CACNG8: variants seen among roughly 807,000 people sequenced by gnomAD.
CACNG8 encodes the protein calcium voltage-gated channel auxiliary subunit gamma 8.
Under a neutral mutation model 26.9 loss-of-function variants are expected in CACNG8, and 5 were observed. The ratio of observed to expected loss-of-function variants is 0.19; its 90% CI spans 0.10 to 0.39. The LOEUF (loss-of-function observed/expected upper bound fraction) is 0.39, where lower values mean the gene tolerates loss of function less well. Among genes scored for constraint, CACNG8 ranks in the 10% least tolerant of loss-of-function variants. The pLI is 1.00. For synonymous variants in CACNG8, 321 were observed against 296.7 expected (o/e 1.08, Z -0.84); for missense variants, 473 against 609.4 (o/e 0.78, Z 2.36).
chr19:53,979,715 G>GCAA lies in CACNG8; in HGVS notation c.368-149_368-147dup, dbSNP rs1371165818. On this transcript the variant is annotated intron_variant, in intron 2 of 3. Coordinates refer to ENST00000270458, the MANE Select transcript of CACNG8 (RefSeq NM_031895.6). ...TTTTAAAAACAGGAGAGAGAATGAG[G>GCAA]CAACAGTAAAATAAACCAGAACACA... The GCAA allele has an allele frequency of 9.1e-6, 6 of 658,100 alleles. No homozygotes were observed. In the African/African-American group the frequency reaches 9.5e-5, roughly 10 times the overall value. The allele number at this position is 658,100 out of a possible 1,614,324, so 40.8% of individuals were successfully genotyped here.
chr19:53,966,148 C>A (rs367568435), intron 1 of CACNG8, among the ~76,000 whole-genome samples: 14 of 152,000 alleles, frequency 9.2e-5, no homozygotes, highest in African/African-American at 3.4e-4. Flanking sequence ...AGTGCAGTGG[C>A]GTGATCTTGG....
chr19:53,963,220 G>T lies in CACNG8; in HGVS notation c.78G>T (p.Val26=), dbSNP rs1184397700. 1 of 1,608,078 alleles carries T rather than the reference G, an allele frequency of 6.2e-7. No individual in the cohort carries two copies. Among genetic ancestry groups the T allele is most frequent in the South Asian group, 1.1e-5 (1 of 90,540 alleles). Residue 26 remains valine (V), a synonymous_variant, in exon 1 of 4, where the codon GTG becomes GTT. Coordinates refer to ENST00000270458, the MANE Select transcript of CACNG8 (RefSeq NM_031895.6). ...GGGTGCAGGTGCTGCTGACGACGGTGGGCGCCTTCGCCGCCTTCGGCCTCA... is the reference window on the plus strand; with the variant it reads ...GGGTGCAGGTGCTGCTGACGACGGTTGGCGCCTTCGCCGCCTTCGGCCTCA...
At chr19:53,978,354 T>C in intron 2 of CACNG8, 125 bp downstream of exon 2, 1 of 675,850 alleles carries the variant, frequency 1.5e-6, no homozygotes. Context: ...GAGGTTAGCC[T>C]CCCAGCCAAT....
chr19:53,975,402 C>CT (rs1225646387), intron 1 of CACNG8, among the ~76,000 whole-genome samples: 12 of 149,614 alleles, frequency 8.0e-5, no homozygotes, highest in Admixed American at 8.0e-4. Flanking sequence ...TTTTTTGAGA[C>CT]TGAGTCTCGC....
At chr19:53,973,071 G>C (rs904442333) in intron 1 of CACNG8, among the ~76,000 whole-genome samples, 6 of 152,194 alleles carry the variant, frequency 3.9e-5, no homozygotes, top group African/African-American at 1.4e-4. Context: ...AATGCTTGGA[G>C]CAGTACCTGG....
rs200026820 is a variant in CACNG8, at chr19:53,963,199, G to T, written c.57G>T (p.Val19=). ...GGGGCCTCTGGTGCGAGAAGGGGGT[G>T]CAGGTGCTGCTGACGACGGTGGGCG... is the stretch of plus-strand genomic sequence containing the variant. The change falls in exon 1 of 4, where the codon GTG becomes GTT. Residue 19 remains valine (V), a synonymous_variant. Coordinates refer to ENST00000270458, the MANE Select transcript of CACNG8 (RefSeq NM_031895.6). 1.1e-5 allele frequency: 17 copies of T among 1,599,678 alleles called. No individual in the cohort carries two copies. The highest frequency in any genetic ancestry group is 1.7e-5 in the Admixed American group (1 of 58,644).
In CACNG8 at chr19:53,988,158, T is replaced by C. The variant is rs1039822765; in HGVS notation, c.*5309T>C. 2 of 151,998 alleles carry C rather than the reference T, an allele frequency of 1.3e-5. No individual in the cohort carries two copies. Among genetic ancestry groups the C allele is most frequent in the African/African-American group, 2.4e-5 (1 of 41,198 alleles). The allele number at this position is 151,998 out of a possible 1,614,324, so 9.4% of individuals were successfully genotyped here. A position where few individuals can be genotyped will look rare whatever the true frequency, so the allele number is the denominator to read the frequency against. Reference sequence around the variant, plus strand: ...GGTCTGATGACATGGACAGGGTTGGTGATCTTGATAAGATAAGATGTCAGT... The same window carrying C: ...GGTCTGATGACATGGACAGGGTTGGCGATCTTGATAAGATAAGATGTCAGT... On this transcript the variant is annotated 3_prime_UTR_variant, in exon 4 of 4. Transcript: ENST00000270458.
At chr19:53,965,575 T>C (rs1342815966) in intron 1 of CACNG8, among the ~76,000 whole-genome samples, 2 of 151,880 alleles carry the variant, frequency 1.3e-5, no homozygotes, top group African/African-American at 4.8e-5. Flanking sequence ...CATTCATTCG[T>C]TCATTCAACG....
intron 1 of CACNG8, among the ~76,000 whole-genome samples, chr19:53,965,473 T>C (rs2069267192): frequency 6.6e-6 from 1 of 151,988 alleles, no homozygotes; most frequent in Admixed American, 6.6e-5. Flanking sequence ...TTCACTGGTC[T>C]GACCAAGTAC....
At chr19:53,981,261 T>C (rs2069366019) in intron 3 of CACNG8, among the ~76,000 whole-genome samples, 1 of 151,930 alleles carries the variant, frequency 6.6e-6, no homozygotes, top group African/African-American at 2.4e-5. Context: ...AAAACCCAGG[T>C]TTATAACGTT....
chr19:53,963,072 C>A lies in CACNG8; in HGVS notation c.-71C>A, dbSNP rs1374184374. ...TCTGCCTGCGCTGTGAACCCCCCCC[C>A]AGCCGCCGGCACGGCCCCGCCCCCG... On this transcript the variant is annotated 5_prime_UTR_variant, in exon 1 of 4. Coordinates refer to ENST00000270458, the MANE Select transcript of CACNG8 (RefSeq NM_031895.6). The A allele has an allele frequency of 5.1e-5, 52 of 1,020,398 alleles. No individual in the cohort carries two copies. The highest frequency in any genetic ancestry group is 6.5e-5 in the Non-Finnish European group (50 of 766,054). The allele number at this position is 1,020,398 out of a possible 1,614,324, so 63.2% of individuals were successfully genotyped here.
intron 1 of CACNG8, among the ~76,000 whole-genome samples, chr19:53,971,335 A>AAAAT (rs955071677): frequency 6.6e-6 from 1 of 152,158 alleles, no homozygotes; most frequent in Non-Finnish European, 1.5e-5. Flanking sequence ...TAGCTACATT[A>AAAAT]AAATAAATAA....
Position 53,984,195 on chromosome 19 carries a change from A to T in CACNG8, c.*1346A>T, listed in dbSNP as rs1431307093. On this transcript the variant is annotated 3_prime_UTR_variant, in exon 4 of 4. Transcript: ENST00000270458. ...TCATGTGTCTGTCACTCGTTCATTCAGCCACTCACCCATTGCCATTTTTGG... is the reference window on the plus strand; with the variant it reads ...TCATGTGTCTGTCACTCGTTCATTCTGCCACTCACCCATTGCCATTTTTGG... 6.6e-6 allele frequency: 1 copy of T among 152,308 alleles called. No homozygotes were observed. Among genetic ancestry groups the T allele is most frequent in the Non-Finnish European group, 1.5e-5 (1 of 68,084 alleles). 9.4% of individuals were successfully genotyped at this position (152,308 alleles called of 1,614,324 possible). A position where few individuals can be genotyped will look rare whatever the true frequency, so the allele number is the denominator to read the frequency against.
At chr19:53,974,769 G>T (rs2145937327) in intron 1 of CACNG8, among the ~76,000 whole-genome samples, 1 of 151,722 alleles carries the variant, frequency 6.6e-6, no homozygotes, top group East Asian at 1.9e-4. Flanking sequence ...AGCCTCCCAA[G>T]TAGCTGGGAC....
At chr19:53,974,968 G>A (rs984840552) in intron 1 of CACNG8, among the ~76,000 whole-genome samples, 2 of 148,694 alleles carry the variant, frequency 1.3e-5, no homozygotes, top group Non-Finnish European at 3.0e-5. Flanking sequence ...TATTTATTTA[G>A]AGATGGAATC....
intron 1 of CACNG8, among the ~76,000 whole-genome samples, chr19:53,974,853 G>A (rs535105714): frequency 2.0e-5 from 3 of 151,398 alleles, no homozygotes; most frequent in Admixed American, 6.6e-5. Context: ...TGTTGGCCAG[G>A]ATGGTCTCGA....
intron 1 of CACNG8, 74 bp from the exon 2 acceptor site, chr19:53,978,072 C>T: frequency 4.1e-6 from 4 of 987,240 alleles, no homozygotes; most frequent in Non-Finnish European, 6.3e-6. Flanking sequence ...AGGGAAGGGT[C>T]GGTTGTCAGT....
chr19:53,978,293 G>A, intron 2 of CACNG8, 64 bp downstream of exon 2: 1 of 1,348,956 alleles, frequency 7.4e-7, no homozygotes, highest in Non-Finnish European at 1.0e-6. Flanking sequence ...AAGGCGTCGG[G>A]GTGGGTGCCG....
intron 1 of CACNG8, among the ~76,000 whole-genome samples, chr19:53,973,645 A>G (rs2069314870): frequency 6.6e-6 from 1 of 152,042 alleles, no homozygotes; most frequent in African/African-American, 2.4e-5. Flanking sequence ...TGGCTAACAC[A>G]GTGAAACCCC....
Sources: gnomAD v4.1 joint callset for allele counts (sites outside exome capture counted in the v4.1 genomes callset) on GRCh38, gnomAD v4.1.1 for gene constraint, MANE v1.5 for transcripts, NCBI Gene and HGNC (gene_info 2026-07-23, HGNC 2026-07-21) for gene names.